LIX1: variants seen among roughly 807,000 people sequenced by gnomAD.
The protein encoded by LIX1 is protein limb expression 1 homolog.
LIX1 carries 24 observed loss-of-function variants against 33.4 expected under a neutral mutation model. The observed-to-expected ratio is 0.72, with a 90% CI of 0.52 to 1.01. LIX1 has a LOEUF of 1.01. Ranked by LOEUF, LIX1 falls within the 50% of genes least tolerant of loss-of-function variation. LIX1 has a pLI of 0.00. For missense variants in LIX1, 311 were observed against 339.2 expected, an observed-to-expected ratio of 0.92 and a Z score of 0.65; for synonymous variants, 124 against 124.0, an observed-to-expected ratio of 1.00 and a Z score of 0.00.
chr5:97,095,295 C>T (rs180942545), intron 5 of LIX1, among the ~76,000 whole-genome samples: 99 of 152,322 alleles, frequency 6.5e-4, no homozygotes, highest in Admixed American at 2.6e-3. Flanking sequence ...CCAAACATAG[C>T]TCTGCCATCT....
At chr5:97,122,318 C>T (rs1371384283) in intron 2 of LIX1, among the ~76,000 whole-genome samples, 3 of 152,064 alleles carry the variant, frequency 2.0e-5, no homozygotes, top group Non-Finnish European at 2.9e-5. Context: ...TTTCACAGTA[C>T]GTTTCTCCTA....
rs1746189822 is a variant in LIX1 at position 97,093,651 on chromosome 5, T to G, written c.*1097A>C. The stretch of plus-strand genomic sequence containing the variant: ...AAAAAAAAAAAAAAAGTTTTTATTG[T>G]TTTTTGATTTTCTAATCAGTTGATT... On this transcript the variant is annotated 3_prime_UTR_variant, in exon 6 of 6. Transcript: ENST00000274382. 6.6e-6 allele frequency: 1 copy of G among 151,900 alleles called. No homozygotes were observed. The allele number at this position is 151,900 out of a possible 1,614,324, so 9.4% of individuals were successfully genotyped here.
chr5:97,142,286 G>A (rs1192551688), intron 1 of LIX1, among the ~76,000 whole-genome samples: 1 of 152,192 alleles, frequency 6.6e-6, no homozygotes, highest in Non-Finnish European at 1.5e-5. Flanking sequence ...TTAGCAAGAT[G>A]TATCACTGAC....
chr5:97,110,094 A>G (rs1286368731), intron 2 of LIX1, among the ~76,000 whole-genome samples: 1 of 152,194 alleles, frequency 6.6e-6, no homozygotes, highest in Non-Finnish European at 1.5e-5. Flanking sequence ...CTTTGGGTAA[A>G]TTCCCAGTAG....
intron 2 of LIX1, among the ~76,000 whole-genome samples, chr5:97,122,000 A>G (rs1747796463): frequency 6.6e-6 from 1 of 152,042 alleles, no homozygotes. Context: ...CTCTTCCTCA[A>G]TGGCTGCCTT....
chr5:97,132,065 T>C (rs1159937934), intron 1 of LIX1, among the ~76,000 whole-genome samples: 2 of 152,206 alleles, frequency 1.3e-5, no homozygotes, highest in Non-Finnish European at 2.9e-5. Context: ...TTGATTTATG[T>C]TGACTGCCTG....
chr5:97,137,794 TGCACAAGAATCTTCA>T (rs1184166093), intron 1 of LIX1, among the ~76,000 whole-genome samples: 1 of 152,226 alleles, frequency 6.6e-6, no homozygotes, highest in African/African-American at 2.4e-5. Context: ...GGGATTTTAC[TGCACAAGAATCTTCA>T]GCCTTTACAT....
chr5:97,141,192 A>G (rs960651955), intron 1 of LIX1, among the ~76,000 whole-genome samples: 1 of 152,136 alleles, frequency 6.6e-6, no homozygotes, highest in African/African-American at 2.4e-5. Context: ...TATACAATTT[A>G]TCCAAAGCTT....
At position 97,124,535 on chromosome 5, in the gene LIX1, C is replaced by T; in HGVS notation, c.177G>A (p.Leu59=). The T allele has an allele frequency of 6.2e-7, 1 of 1,612,758 alleles. No individual in the cohort carries two copies. The highest frequency in any genetic ancestry group is 8.5e-7 in the Non-Finnish European group (1 of 1,179,168). The part of the protein sequence containing the change: ...PSEGVVVYES[L]PAPGPPFVSY... ...TCACAAAGGGAGGCCCAGGAGCTGG[C>T]AGTGACTCATAGACCACCACACCTT... The change falls in exon 2 of 6, where the codon CTG becomes CTA. Residue 59 remains leucine (L), a synonymous_variant. Transcript: ENST00000274382.
chr5:97,095,249 C>G (rs1407207240), intron 5 of LIX1, among the ~76,000 whole-genome samples: 1 of 152,144 alleles, frequency 6.6e-6, no homozygotes, highest in Non-Finnish European at 1.5e-5. Flanking sequence ...CAGGTTGAGT[C>G]AAAACACACC....
intron 1 of LIX1, among the ~76,000 whole-genome samples, chr5:97,128,414 C>G (rs1437420772): frequency 6.6e-6 from 1 of 152,112 alleles, no homozygotes; most frequent in African/African-American, 2.4e-5. Context: ...CCTCTGCTCA[C>G]TACTCATGTT....
chr5:97,139,815 A>G (rs1223716850), intron 1 of LIX1, among the ~76,000 whole-genome samples: 1 of 152,198 alleles, frequency 6.6e-6, no homozygotes, highest in African/African-American at 2.4e-5. Context: ...TATGGAATTT[A>G]TTTCCTTCTA....
chr5:97,118,571 A>C (rs1462537882), intron 2 of LIX1, among the ~76,000 whole-genome samples: 1 of 152,200 alleles, frequency 6.6e-6, no homozygotes, highest in Non-Finnish European at 1.5e-5. Flanking sequence ...CTGCCTAGAC[A>C]AAAGTGGCAT....
intron 4 of LIX1, among the ~76,000 whole-genome samples, chr5:97,103,740 C>A (rs1007888785): frequency 6.6e-6 from 1 of 152,106 alleles, no homozygotes; most frequent in Non-Finnish European, 1.5e-5. Context: ...CCAAGGCGGG[C>A]AGATCACGAG....
At chr5:97,109,893 A>G (rs1292574010) in intron 2 of LIX1, among the ~76,000 whole-genome samples, 8 of 152,194 alleles carry the variant, frequency 5.3e-5, no homozygotes, top group Non-Finnish European at 1.0e-4. Flanking sequence ...CTCCAGCTCC[A>G]CCCAAGTTGC....
rs1346088242 is a variant in LIX1 at position 97,114,279 on chromosome 5, A to T, written c.247-6779T>A. 2.6e-5 allele frequency among the ~76,000 whole-genome samples: 4 copies of T among 152,208 alleles called. No homozygotes were observed. The East Asian group carries it at 5.8e-4, about 22-fold the overall frequency. On this transcript the variant is annotated intron_variant, in intron 2 of 5. Coordinates refer to ENST00000274382, the MANE Select transcript of LIX1 (RefSeq NM_153234.5). ...TTTGGGAGGCTGAGGCTGGAAGATCACTTGAACTTAGGAGTTTGAGACCAA... is the reference window on the plus strand; with the variant it reads ...TTTGGGAGGCTGAGGCTGGAAGATCTCTTGAACTTAGGAGTTTGAGACCAA...
chr5:97,117,465 T>C (rs1197886673), intron 2 of LIX1, among the ~76,000 whole-genome samples: 1 of 152,226 alleles, frequency 6.6e-6, no homozygotes, highest in Non-Finnish European at 1.5e-5. Flanking sequence ...ACAATTCCAT[T>C]GAGTCAAGTG....
rs549997218 is a variant in LIX1 at position 97,104,327 on chromosome 5, C to T, written c.483+863G>A. On this transcript the variant is annotated intron_variant, in intron 4 of 5. Coordinates refer to ENST00000274382, the MANE Select transcript of LIX1 (RefSeq NM_153234.5). ...TATATTGCATTCTGATTCCTACCAG[C>T]ATTGCATGTTTATGGATGTTCAACT... Among the ~76,000 whole-genome samples, 27 of 152,324 alleles carry T rather than the reference C, an allele frequency of 1.8e-4. No individual in the cohort carries two copies. The South Asian group carries it at 5.4e-3, about 30-fold the overall frequency.
At chr5:97,138,716 T>G (rs1445966230) in intron 1 of LIX1, among the ~76,000 whole-genome samples, 8 of 152,200 alleles carry the variant, frequency 5.3e-5, no homozygotes, top group African/African-American at 1.9e-4. Context: ...CAAATGTGAT[T>G]ATTTAATGGG....
Sources: gnomAD v4.1 joint callset for allele counts (sites outside exome capture counted in the v4.1 genomes callset) on GRCh38, gnomAD v4.1.1 for gene constraint, MANE v1.5 for transcripts, NCBI Gene and HGNC (gene_info 2026-07-23, HGNC 2026-07-21) for gene names.